Variants in COL21A1 observed in about 807,000 individuals in gnomAD.
The protein encoded by COL21A1 is collagen type XXI alpha 1 chain, also known as collagen alpha-1(XXI) chain.
Under a neutral mutation model 137.9 loss-of-function variants are expected in COL21A1, and 149 were observed. The ratio of observed to expected loss-of-function variants is 1.08; its 90% CI spans 0.95 to 1.24. The LOEUF (loss-of-function observed/expected upper bound fraction) is 1.24, where lower values mean the gene tolerates loss of function less well. COL21A1 is among the 50% of genes most tolerant of loss of function. The probability of loss-of-function intolerance (pLI) is 0.00; values close to 1 mark genes in which losing one functional copy is unlikely to be tolerated. For missense variants in COL21A1, 1,167 were observed against 1,158.4 expected (o/e 1.01, Z -0.11); for synonymous variants, 456 against 391.5 (o/e 1.16, Z -1.95).
At chr6:56,163,586 G>T (rs1200351471) in intron 9 of COL21A1, among the ~76,000 whole-genome samples, 3 of 152,064 alleles carry the variant, frequency 2.0e-5, no homozygotes, top group Admixed American at 6.6e-5. Flanking sequence ...GTGATCGCCT[G>T]TAATCCTAGC....
rs921614686 is a variant in COL21A1 at position 56,277,305 on chromosome 6, C to T, written c.-38-94649G>A. Among the ~76,000 whole-genome samples, 35 of 152,262 alleles carry T rather than the reference C, an allele frequency of 2.3e-4. 1 individual carries two copies. Among genetic ancestry groups the T allele is most frequent in the Admixed American group, 2.0e-3 (30 of 15,302 alleles). On this transcript the variant is annotated intron_variant, in intron 1 of 28. Coordinates refer to the COL21A1 transcript ENST00000370819. Reference sequence around the variant, plus strand: ...GCTATCCCTCCCCACTCCCCTCAACCCACGACAGGCCCCGGTGTGCGATGT... The same window carrying T: ...GCTATCCCTCCCCACTCCCCTCAACTCACGACAGGCCCCGGTGTGCGATGT...
chr6:56,384,625 A>G (rs2094014392), intron 1 of COL21A1, among the ~76,000 whole-genome samples: 1 of 152,236 alleles, frequency 6.6e-6, no homozygotes. Flanking sequence ...TTTCTTAAGT[A>G]TTCTGGCCCA....
At chr6:56,207,054 A>G (rs1460102167) in intron 1 of COL21A1, among the ~76,000 whole-genome samples, 1 of 152,132 alleles carries the variant, frequency 6.6e-6, no homozygotes, top group Non-Finnish European at 1.5e-5. Context: ...GTGGAGGGAA[A>G]TTTATAGCAC....
chr6:56,312,613 A>G (rs1382689430), intron 1 of COL21A1, among the ~76,000 whole-genome samples: 1 of 152,220 alleles, frequency 6.6e-6, no homozygotes, highest in African/African-American at 2.4e-5. Flanking sequence ...GGAATAATAT[A>G]CAGCTATCAG....
At chr6:56,259,728 T>G (rs1265153975) in intron 1 of COL21A1, among the ~76,000 whole-genome samples, 3 of 152,248 alleles carry the variant, frequency 2.0e-5, no homozygotes, top group Non-Finnish European at 4.4e-5. Context: ...TTAATTGAAG[T>G]AATAGCTTCT....
intron 1 of COL21A1, among the ~76,000 whole-genome samples, chr6:56,188,106 C>T (rs1026170334): frequency 6.6e-6 from 1 of 151,986 alleles, no homozygotes; most frequent in African/African-American, 2.4e-5. Context: ...TTCACACCTA[C>T]AAAAATAGCT....
At chr6:56,066,975 A>ATG (rs1562142526) in intron 23 of COL21A1, among the ~76,000 whole-genome samples, 4 of 136,138 alleles carry the variant, frequency 2.9e-5, no homozygotes, top group African/African-American at 1.1e-4. Flanking sequence ...ATATATATAT[A>ATG]TATGTGTGTG....
At chr6:56,066,423 AT>A (rs1474157797) in intron 23 of COL21A1, among the ~76,000 whole-genome samples, 4 of 151,848 alleles carry the variant, frequency 2.6e-5, no homozygotes, top group Non-Finnish European at 5.9e-5. Context: ...AGAATTCTAC[AT>A]TTGTGGAAAT....
intron 17 of COL21A1, among the ~76,000 whole-genome samples, chr6:56,094,898 A>G (rs1349722256): frequency 1.3e-5 from 2 of 152,158 alleles, no homozygotes; most frequent in African/African-American, 4.8e-5. Flanking sequence ...CATGCCCACC[A>G]GAAAATCCCA....
At chr6:56,131,429 T>C (rs750373557) in intron 12 of COL21A1, among the ~76,000 whole-genome samples, 2 of 151,498 alleles carry the variant, frequency 1.3e-5, no homozygotes, top group Non-Finnish European at 2.9e-5. Flanking sequence ...GTAAAAACAC[T>C]GGGATTGGGA....
intron 17 of COL21A1, among the ~76,000 whole-genome samples, chr6:56,095,165 C>A (rs1370089208): frequency 6.6e-6 from 1 of 152,008 alleles, no homozygotes; most frequent in Non-Finnish European, 1.5e-5. Flanking sequence ...AAAATATAGA[C>A]CTTCTCTTTA....
chr6:56,185,426 CTTTTTTTT>C (rs777045553), intron 1 of COL21A1, among the ~76,000 whole-genome samples: 6 of 100,160 alleles, frequency 6.0e-5, no homozygotes, highest in South Asian at 7.8e-4. Flanking sequence ...AATGAACAGT[CTTTTTTTT>C]TTTTTTTTTT....
chr6:56,352,964 CG>C (rs1057028038), intron 1 of COL21A1, among the ~76,000 whole-genome samples: 9 of 152,054 alleles, frequency 5.9e-5, no homozygotes, highest in African/African-American at 2.2e-4. Flanking sequence ...TCACTTGAAT[CG>C]GGGAAGTGGA....
chr6:56,128,389 T>C (rs1228128808), intron 12 of COL21A1, among the ~76,000 whole-genome samples: 2 of 152,196 alleles, frequency 1.3e-5, no homozygotes, highest in Non-Finnish European at 2.9e-5. Flanking sequence ...TCCTGTGATA[T>C]TTGGTGATTC....
At chr6:56,317,001 T>G (rs957912949) in intron 1 of COL21A1, among the ~76,000 whole-genome samples, 6 of 152,042 alleles carry the variant, frequency 3.9e-5, no homozygotes, top group Non-Finnish European at 8.8e-5. Flanking sequence ...TTAGATTACT[T>G]CACACTCAAA....
intron 16 of COL21A1, among the ~76,000 whole-genome samples, chr6:56,122,076 A>G (rs1772593445): frequency 6.6e-6 from 1 of 152,222 alleles, no homozygotes; most frequent in Non-Finnish European, 1.5e-5. Context: ...AGCATTAAAA[A>G]GGAATGAAGT....
chr6:56,255,020 A>G (rs1457423160), intron 1 of COL21A1, among the ~76,000 whole-genome samples: 1 of 152,074 alleles, frequency 6.6e-6, no homozygotes, highest in Non-Finnish European at 1.5e-5. Context: ...TTAAATTTCA[A>G]TTCTGTTTAA....
intron 12 of COL21A1, among the ~76,000 whole-genome samples, chr6:56,135,236 A>T (rs1037679564): frequency 6.6e-6 from 1 of 152,110 alleles, no homozygotes. Flanking sequence ...TCACACATAC[A>T]AACAACAACT....
intron 16 of COL21A1, among the ~76,000 whole-genome samples, chr6:56,113,777 G>A (rs901422085): frequency 2.6e-5 from 4 of 152,248 alleles, no homozygotes; most frequent in South Asian, 2.1e-4. Context: ...TCCAATTCCA[G>A]GACTCGACTC....
Sources: allele counts gnomAD v4.1 joint callset (sites outside exome capture counted in the v4.1 genomes callset), GRCh38; gene constraint gnomAD v4.1.1; transcripts MANE v1.5; gene names NCBI Gene and HGNC (gene_info 2026-07-23, HGNC 2026-07-21).